Variants in CRTC2 observed in about 807,000 individuals in gnomAD.
The protein encoded by CRTC2 is CREB regulated transcription coactivator 2.
In CRTC2, 25 loss-of-function variants were observed where a neutral mutation model predicts 70.9. The ratio of observed to expected loss-of-function variants is 0.35; its 90% CI spans 0.26 to 0.49. CRTC2 has a LOEUF of 0.49. CRTC2 is among the 20% of genes least tolerant of loss of function. The pLI, the probability that CRTC2 is intolerant of heterozygous loss-of-function variation, is 0.98. For missense variants in CRTC2, 737 were observed against 882.6 expected (o/e 0.83, Z 2.09); for synonymous variants, 330 against 364.1 (o/e 0.91, Z 1.07).
At position 153,951,318 on chromosome 1, in the gene CRTC2, T is replaced by G; in HGVS notation, c.1346A>C (p.Gln449Pro). The G allele has an allele frequency of 6.2e-7, 1 of 1,613,810 alleles. No homozygotes were observed. Among genetic ancestry groups the G allele is most frequent in the Non-Finnish European group, 8.5e-7 (1 of 1,179,946 alleles). Residue 449 changes from glutamine to proline, a missense_variant, in exon 11 of 14, where the codon CAG becomes CCG. Gln to Pro is a moderately conservative substitution (Grantham distance 76). Coordinates refer to ENST00000368633, the MANE Select transcript of CRTC2 (RefSeq NM_181715.3). The stretch of plus-strand genomic sequence containing the variant: ...TGGCGAAAACTGTTTGGGCAGCTGC[T>G]GTTGGGACCTTCTGGCGTCGGCTGG... ...AGPADARRSQQQLPKQFSPTM... is the reference protein window; with the variant it reads ...AGPADARRSQPQLPKQFSPTM...
chr1:153,957,966 C>A, intron 1 of CRTC2: 1 of 973,608 alleles, frequency 1.0e-6, no homozygotes, highest in Non-Finnish European at 1.3e-6. Context: ...AGGTTACAGA[C>A]AAGCAGCCCT....
chr1:153,952,484 T>C, intron 8 of CRTC2, 38 bp from the exon 9 acceptor site: 1 of 1,613,392 alleles, frequency 6.2e-7, no homozygotes, highest in Admixed American at 1.7e-5. Flanking sequence ...ATGAGGACAG[T>C]GCTCAGCAGA....
chr1:153,952,643 G>A lies in CRTC2; in HGVS notation c.638-8C>T. 6.2e-7 allele frequency: 1 copy of A among 1,614,154 alleles called. No individual in the cohort carries two copies. Among genetic ancestry groups the A allele is most frequent in the South Asian group, 1.1e-5 (1 of 91,080 alleles). On this transcript the variant is annotated splice_polypyrimidine_tract_variant and splice_region_variant and intron_variant, in intron 7 of 13. Coordinates refer to ENST00000368633, the MANE Select transcript of CRTC2 (RefSeq NM_181715.3). ...TCTCCTCAATAGCAGGTACTTGAAA[G>A]AGAAAGACTGGTGATGGGAGAGTTG...
chr1:153,951,191 G>A (rs1680295144), intron 11 of CRTC2, 69 bp downstream of exon 11: 2 of 1,509,672 alleles, frequency 1.3e-6, no homozygotes, highest in African/African-American at 1.4e-5. Flanking sequence ...AAAGGAGGGT[G>A]GGAGGGAAAC....
rs773118175 is a variant in CRTC2, at chr1:153,952,433, G to A, written c.716C>T (p.Ser239Phe). The A allele has an allele frequency of 6.2e-7, 1 of 1,614,230 alleles. No individual in the cohort carries two copies. Among genetic ancestry groups the A allele is most frequent in the Non-Finnish European group, 8.5e-7 (1 of 1,180,034 alleles). Residue 239 changes from serine to phenylalanine, a missense_variant, in exon 9 of 14, where the codon TCT becomes TTT. This residue lies in a region of CRTC2 where 699 missense variants were observed against 823.7 expected (regional missense o/e 0.85). Coordinates refer to ENST00000368633, the MANE Select transcript of CRTC2 (RefSeq NM_181715.3). ...PWDAKKLSSSSSRPRSCEVPG... is the reference protein window; with the variant it reads ...PWDAKKLSSSFSRPRSCEVPG... ...GACTTCACAGGACCGAGGTCGGGAAGAGGATGAGGATAGCTGAGGAGAGAA... is the reference window on the plus strand; with the variant it reads ...GACTTCACAGGACCGAGGTCGGGAAAAGGATGAGGATAGCTGAGGAGAGAA...
chr1:153,958,575 G>C lies in CRTC2; in HGVS notation c.-78C>G. 2.8e-6 allele frequency: 4 copies of C among 1,405,390 alleles called. No homozygotes were observed. Among genetic ancestry groups the C allele is most frequent in the Non-Finnish European group, 3.8e-6 (4 of 1,052,572 alleles). 87.1% of individuals were successfully genotyped at this position (1,405,390 alleles called of 1,614,324 possible). A position where few individuals can be genotyped will look rare whatever the true frequency, so the allele number is the denominator to read the frequency against. On this transcript the variant is annotated 5_prime_UTR_variant, in exon 1 of 14. Transcript: ENST00000368633. Reference sequence around the variant, plus strand: ...CCGCGGCCTCGGCCCGGCTCCTCCAGCCGTAGCCACCGCCGCCTCAGCGAG... The same window carrying C: ...CCGCGGCCTCGGCCCGGCTCCTCCACCCGTAGCCACCGCCGCCTCAGCGAG...
chr1:153,954,274 G>A lies in CRTC2; in HGVS notation c.415C>T (p.Pro139Ser). 6.2e-7 allele frequency: 1 copy of A among 1,612,698 alleles called. No homozygotes were observed. The highest frequency in any genetic ancestry group is 8.5e-7 in the Non-Finnish European group (1 of 1,179,270). Residue 139 changes from proline (P) to serine (S), a missense_variant, in exon 4 of 14, where the codon CCA (proline) becomes TCA (serine). Transcript: ENST00000368633. ...ACTTACCTTCGCCAGCTAGACTCTGGGGGAGGAGATAAGTAGGCAGGACTA... is the reference window on the plus strand; with the variant it reads ...ACTTACCTTCGCCAGCTAGACTCTGAGGGAGGAGATAAGTAGGCAGGACTA... ...PYSPAYLSPP[P>S]ESSWRRTMAW...
intron 11 of CRTC2, 60 bp from the exon 12 acceptor site, chr1:153,949,444 T>A (rs1680206635): frequency 6.7e-7 from 1 of 1,498,788 alleles, no homozygotes; most frequent in Non-Finnish European, 8.9e-7. Context: ...GAACTCTCAG[T>A]CAGAGCTTCC....
In CRTC2 at chr1:153,954,254, C is replaced by A; in HGVS notation, c.434+1G>T. 1 of 1,611,062 alleles carries A rather than the reference C, an allele frequency of 6.2e-7. No homozygotes were observed. Among genetic ancestry groups the A allele is most frequent in the Non-Finnish European group, 8.5e-7 (1 of 1,178,164 alleles). ...AGCTTCTGCCCGCCCTGGACACTTA[C>A]CTTCGCCAGCTAGACTCTGGGGGAG... On this transcript the variant is annotated splice_donor_variant, in intron 4 of 13. Coordinates refer to ENST00000368633, the MANE Select transcript of CRTC2 (RefSeq NM_181715.3). LOFTEE classifies it high-confidence loss of function.
chr1:153,958,219 C>T, intron 1 of CRTC2, 126 bp downstream of exon 1: 1 of 1,439,608 alleles, frequency 6.9e-7, no homozygotes, highest in Non-Finnish European at 9.1e-7. Flanking sequence ...GCCTCCCAAA[C>T]GGCGGCGCCC....
Position 153,958,448 on chromosome 1 carries a change from G to C in CRTC2, c.50C>G (p.Ser17Cys), listed in dbSNP as rs757429103. The C allele has an allele frequency of 3.1e-6, 5 of 1,613,390 alleles. No homozygotes were observed. Among genetic ancestry groups the C allele is most frequent in the Non-Finnish European group, 4.2e-6 (5 of 1,179,754 alleles). ...NGPGSATASA[S>C]NPRKFSEKIA... ...CTTCTCACTAAATTTGCGCGGATTGGAAGCCGAGGCCGTGGCCGAACCAGG... is the reference window on the plus strand; with the variant it reads ...CTTCTCACTAAATTTGCGCGGATTGCAAGCCGAGGCCGTGGCCGAACCAGG... The change falls in exon 1 of 14, where the codon TCC becomes TGC. Residue 17 changes from serine to cysteine, a missense_variant. Physicochemically the swap from Ser to Cys is moderately radical, Grantham distance 112 (BLOSUM62 -1). This residue lies in a region of CRTC2 where 29 missense variants were observed against 25.5 expected (regional missense o/e 1.14). Transcript: ENST00000368633.
chr1:153,953,465 G>T (rs969617285), intron 5 of CRTC2, 73 bp downstream of exon 5: 1 of 1,537,478 alleles, frequency 6.5e-7, no homozygotes, highest in East Asian at 2.3e-5. Flanking sequence ...TCTGGAACAG[G>T]GTGGGGGTGA....
chr1:153,951,363 G>A lies in CRTC2; in HGVS notation c.1301C>T (p.Pro434Leu). Residue 434 changes from proline (P) to leucine (L), a missense_variant, in exon 11 of 14, where the codon CCC becomes CTC. Around this residue, in one of 3 missense-constraint regions of CRTC2, gnomAD observed 699 missense variants for 823.7 expected, o/e 0.85. Transcript: ENST00000368633. ...SPHHRRVPLS[P>L]LSLLAGPADA... Reference sequence around the variant, plus strand: ...GGCTGGGCCCGCGAGCAAACTCAGGGGGCTGAGGGGCACACGGCGGTGGTG... The same window carrying A: ...GGCTGGGCCCGCGAGCAAACTCAGGAGGCTGAGGGGCACACGGCGGTGGTG... 3 of 1,613,108 alleles carry A rather than the reference G, an allele frequency of 1.9e-6. No homozygotes were observed. The highest frequency in any genetic ancestry group is 2.5e-6 in the Non-Finnish European group (3 of 1,179,538).
chr1:153,954,456 C>G, intron 3 of CRTC2, 140 bp from the exon 4 acceptor site: 1 of 678,546 alleles, frequency 1.5e-6, no homozygotes, highest in Non-Finnish European at 2.7e-6. Flanking sequence ...ACAATAGGAT[C>G]AAAGAATGGA....
In CRTC2 at chr1:153,947,899, C is replaced by T. The variant is rs1680096993; in HGVS notation, c.*210G>A. 6 of 601,270 alleles carry T rather than the reference C, an allele frequency of 1.0e-5. No homozygotes were observed. In the South Asian group the frequency reaches 1.2e-4, roughly 12 times the overall value. 37.2% of individuals were successfully genotyped at this position (601,270 alleles called of 1,614,324 possible). A position where few individuals can be genotyped will look rare whatever the true frequency, so the allele number is the denominator to read the frequency against. On this transcript the variant is annotated 3_prime_UTR_variant, in exon 14 of 14. Coordinates refer to ENST00000368633, the MANE Select transcript of CRTC2 (RefSeq NM_181715.3). ...TTCAAAGTTACAAGTGCTTTAGGCC[C>T]TCCCTTGAGTTCCCCCAGGCCCATC...
Position 153,954,974 on chromosome 1 carries a change from G to A in CRTC2, c.271C>T (p.Pro91Ser). 1 of 1,613,948 alleles carries A rather than the reference G, an allele frequency of 6.2e-7. No homozygotes were observed. The highest frequency in any genetic ancestry group is 8.5e-7 in the Non-Finnish European group (1 of 1,179,834). Residue 91 changes from proline to serine, a missense_variant, in exon 3 of 14, where the codon CCT (proline) becomes TCT (serine). Coordinates refer to ENST00000368633, the MANE Select transcript of CRTC2 (RefSeq NM_181715.3). ...CGAGTGCTCCGAGATGAATCCAAAG[G>A]TGAGTGGAGGGGGCTCTGCCAAAAA... ...LAEFQSPLHSPLDSSRSTRHH... is the reference protein window; with the variant it reads ...LAEFQSPLHSSLDSSRSTRHH...
chr1:153,954,138 G>T (rs890732948), intron 4 of CRTC2, 117 bp downstream of exon 4: 5 of 765,314 alleles, frequency 6.5e-6, no homozygotes, highest in Non-Finnish European at 9.2e-6. Flanking sequence ...GGCGTTATAG[G>T]AAGAGGTACT....
At position 153,948,294 on chromosome 1, in the gene CRTC2, C is replaced by G; in HGVS notation, c.1897G>C (p.Ala633Pro). 6.2e-7 allele frequency: 1 copy of G among 1,614,274 alleles called. No homozygotes were observed. Among genetic ancestry groups the G allele is most frequent in the Admixed American group, 1.7e-5 (1 of 60,036 alleles). The stretch of plus-strand genomic sequence containing the variant: ...AAGCCAGGCACTCCGGCCAGGGCTG[C>G]TGCAATCTCCTTAGAGAAACCTGGA... ...SSPGFSKEIA[A>P]ALAGVPGFEV... Residue 633 changes from alanine to proline, a missense_variant, in exon 14 of 14, where the codon GCA (alanine) becomes CCA (proline). By Grantham distance (27) the Ala-to-Pro change is conservative. Coordinates refer to ENST00000368633, the MANE Select transcript of CRTC2 (RefSeq NM_181715.3).
At chr1:153,955,782 C>T (rs1474799479) in intron 1 of CRTC2, among the ~76,000 whole-genome samples, 1 of 151,524 alleles carries the variant, frequency 6.6e-6, no homozygotes, top group African/African-American at 2.4e-5. Context: ...TGCAAATAAC[C>T]CACCAGAGCC....
Sources: allele counts gnomAD v4.1 joint callset (sites outside exome capture counted in the v4.1 genomes callset), GRCh38; gene constraint gnomAD v4.1.1; regional missense constraint gnomAD v4.1.1; transcripts MANE v1.5; gene names NCBI Gene and HGNC (gene_info 2026-07-23, HGNC 2026-07-21).